C11orf97: variants seen among roughly 807,000 people sequenced by gnomAD.
The protein encoded by C11orf97 is chromosome 11 open reading frame 97, also known as uncharacterized protein C11orf97.
In C11orf97, 15 loss-of-function variants were observed where a neutral mutation model predicts 16.2. The ratio of observed to expected loss-of-function variants is 0.93; its 90% CI spans 0.62 to 1.43. C11orf97 has a LOEUF of 1.43. Among genes scored for constraint, C11orf97 ranks in the 40% most tolerant of loss-of-function variants. The pLI is 0.00. For synonymous variants in C11orf97, 61 were observed against 65.7 expected (o/e 0.93, Z 0.34); for missense variants, 171 against 161.2 (o/e 1.06, Z -0.33).
At chr11:94,531,689 T>TG (rs1363806153) in intron 3 of C11orf97, among the ~76,000 whole-genome samples, 1 of 152,128 alleles carries the variant, frequency 6.6e-6, no homozygotes, top group Non-Finnish European at 1.5e-5. Flanking sequence ...ATGCTGATGC[T>TG]GCTTGTCCGG....
chr11:94,517,759 T>C, intron 2 of C11orf97, 72 bp downstream of exon 2: 1 of 1,041,158 alleles, frequency 9.6e-7, no homozygotes, highest in South Asian at 1.8e-5. Context: ...CAGAGTATTT[T>C]ATTATAAAAC....
Position 94,521,821 on chromosome 11 carries a change from T to C in C11orf97, c.250+4134T>C, listed in dbSNP as rs1053138037. On this transcript the variant is annotated intron_variant, in intron 2 of 3. Coordinates refer to ENST00000542198, the MANE Select transcript of C11orf97 (RefSeq NM_001190462.2). ...AATTCAGATCTGACCCCCAATCCCA[T>C]TGGCTTTCTACTCACTATGGTGTCT... Among the ~76,000 whole-genome samples, 6 of 152,278 alleles carry C rather than the reference T, an allele frequency of 3.9e-5. No individual in the cohort carries two copies. In the Middle Eastern group the frequency reaches 0.01, roughly 259 times the overall value.
intron 2 of C11orf97, among the ~76,000 whole-genome samples, chr11:94,525,425 G>T (rs1315976942): frequency 6.6e-6 from 1 of 152,158 alleles, no homozygotes. Context: ...TTTGAATCCA[G>T]TTTATTTACT....
At chr11:94,514,641 T>A (rs1449610851) in intron 1 of C11orf97, among the ~76,000 whole-genome samples, 4 of 13,078 alleles carry the variant, frequency 3.1e-4, no homozygotes, top group African/African-American at 6.8e-4. Context: ...TATTTTTGCC[T>A]TTTTTTTTTT....
chr11:94,522,530 C>T (rs1223839144), intron 2 of C11orf97, among the ~76,000 whole-genome samples: 1 of 152,020 alleles, frequency 6.6e-6, no homozygotes, highest in Non-Finnish European at 1.5e-5. Flanking sequence ...AGTGAGACTC[C>T]GTCTCAAAAC....
intron 1 of C11orf97, among the ~76,000 whole-genome samples, chr11:94,516,722 G>A (rs539736358): frequency 7.2e-5 from 11 of 152,314 alleles, no homozygotes; most frequent in African/African-American, 2.6e-4. Flanking sequence ...TGTGGAGTAA[G>A]GGAAAGTTTT....
chr11:94,512,762 G>A, intron 1 of C11orf97, 89 bp downstream of exon 1: 1 of 1,212,204 alleles, frequency 8.2e-7, no homozygotes, highest in Admixed American at 4.2e-5. Flanking sequence ...CAGTGGGACT[G>A]GCTGAGAAGG....
intron 2 of C11orf97, among the ~76,000 whole-genome samples, chr11:94,519,939 C>T (rs1050133151): frequency 6.6e-6 from 1 of 152,214 alleles, no homozygotes; most frequent in Non-Finnish European, 1.5e-5. Context: ...AGTGACCCCT[C>T]CTTTATATAT....
chr11:94,525,090 A>G (rs1245934139), intron 2 of C11orf97, among the ~76,000 whole-genome samples: 1 of 151,956 alleles, frequency 6.6e-6, no homozygotes, highest in African/African-American at 2.4e-5. Flanking sequence ...AAAAGAAAGA[A>G]AAGAAAAATG....
chr11:94,523,930 C>G (rs995572576), intron 2 of C11orf97, among the ~76,000 whole-genome samples: 2 of 152,148 alleles, frequency 1.3e-5, no homozygotes, highest in Non-Finnish European at 2.9e-5. Flanking sequence ...GGAATGCCAT[C>G]AGTGACAATA....
At chr11:94,522,420 C>T (rs1231502344) in intron 2 of C11orf97, among the ~76,000 whole-genome samples, 1 of 152,122 alleles carries the variant, frequency 6.6e-6, no homozygotes, top group Non-Finnish European at 1.5e-5. Context: ...GCCTGTAGTG[C>T]CAGCTACTCG....
chr11:94,528,376 C>T (rs1947714917), intron 3 of C11orf97, among the ~76,000 whole-genome samples, 167 bp downstream of exon 3: 1 of 152,212 alleles, frequency 6.6e-6, no homozygotes, highest in Non-Finnish European at 1.5e-5. Flanking sequence ...GATTATGGAA[C>T]TCAAACCGTA....
At chr11:94,525,969 G>C (rs184897593) in intron 2 of C11orf97, among the ~76,000 whole-genome samples, 2 of 152,200 alleles carry the variant, frequency 1.3e-5, no homozygotes, top group African/African-American at 4.8e-5. Flanking sequence ...GGAGGCATGA[G>C]AAGGGAAGAG....
chr11:94,525,123 T>C (rs1389761883), intron 2 of C11orf97, among the ~76,000 whole-genome samples: 1 of 152,030 alleles, frequency 6.6e-6, no homozygotes, highest in Non-Finnish European at 1.5e-5. Flanking sequence ...ACATTCATTA[T>C]GGAAATAGTG....
At chr11:94,518,521 G>C (rs1340280608) in intron 2 of C11orf97, among the ~76,000 whole-genome samples, 1 of 152,044 alleles carries the variant, frequency 6.6e-6, no homozygotes, top group Non-Finnish European at 1.5e-5. Context: ...TCATTTACAT[G>C]GTCAGATCAT....
At position 94,512,745 on chromosome 11, in the gene C11orf97, G is replaced by A. The variant is rs141188713; in HGVS notation, c.145+72G>A. On this transcript the variant is annotated intron_variant, in intron 1 of 3. Coordinates refer to ENST00000542198, the MANE Select transcript of C11orf97 (RefSeq NM_001190462.2). ...AGAACGAGTGACAGGGCAATTGGGG[G>A]AAACCGCAGTGGGACTGGCTGAGAA... 1.4e-4 allele frequency: 177 copies of A among 1,228,836 alleles called. No individual in the cohort carries two copies. In the East Asian group the frequency reaches 4.6e-3, roughly 32 times the overall value. The allele number at this position is 1,228,836 out of a possible 1,614,324, so 76.1% of individuals were successfully genotyped here.
At chr11:94,517,958 G>T (rs538786368) in intron 2 of C11orf97, among the ~76,000 whole-genome samples, 1 of 151,988 alleles carries the variant, frequency 6.6e-6, no homozygotes, top group Admixed American at 6.6e-5. Flanking sequence ...GACTATCCTG[G>T]CTAACACGGT....
chr11:94,530,440 A>G (rs1012463461), intron 3 of C11orf97, among the ~76,000 whole-genome samples: 1 of 152,210 alleles, frequency 6.6e-6, no homozygotes, highest in Non-Finnish European at 1.5e-5. Context: ...CTCATTATCA[A>G]TGAAAAAGGA....
At chr11:94,530,240 A>G (rs1484130110) in intron 3 of C11orf97, among the ~76,000 whole-genome samples, 1 of 152,072 alleles carries the variant, frequency 6.6e-6, no homozygotes, top group African/African-American at 2.4e-5. Flanking sequence ...CCCTCCATTT[A>G]TTTCCAGCTG....
Sources: allele counts gnomAD v4.1 joint callset (sites outside exome capture counted in the v4.1 genomes callset), GRCh38; gene constraint gnomAD v4.1.1; transcripts MANE v1.5; gene names NCBI Gene and HGNC (gene_info 2026-07-23, HGNC 2026-07-21).